The following PABIR3 variants were observed in gnomAD, a reference collection of about 807,000 sequenced individuals.
The protein encoded by PABIR3 is PABIR family member 3, also known as PABIR family member 1.
In PABIR3, 20 loss-of-function variants were observed where a neutral mutation model predicts 23.1. The ratio of observed to expected loss-of-function variants is 0.86; its 90% CI spans 0.61 to 1.26. The LOEUF (loss-of-function observed/expected upper bound fraction) is 1.26, where lower values mean the gene tolerates loss of function less well. Ranked by LOEUF, PABIR3 falls within the 50% of genes most tolerant of loss-of-function variation. The probability of loss-of-function intolerance (pLI) is 0.00; values close to 1 mark genes in which losing one functional copy is unlikely to be tolerated. For synonymous variants in PABIR3, 69 were observed against 68.5 expected, an observed-to-expected ratio of 1.01 and a Z score of -0.04; for missense variants, 189 against 195.4, an observed-to-expected ratio of 0.97 and a Z score of 0.20.
intron 5 of PABIR3, 41 bp downstream of exon 5, chrX:134,845,289 T>C: frequency 2.6e-6 from 3 of 1,172,172 alleles, no homozygotes; most frequent in Non-Finnish European, 3.5e-6. Context: ...ATAATTTGTA[T>C]ACTTAATTAT....
chrX:134,852,718 T>C (rs1302755971), intron 9 of PABIR3, 82 bp from the exon 10 acceptor site: 2 of 512,206 alleles, frequency 3.9e-6, no homozygotes, highest in African/African-American at 2.4e-5. Context: ...TTAATTGCAG[T>C]GAATAAGTAT....
At chrX:134,810,318 A>G (rs1374891984) in intron 2 of PABIR3, 1 of 753,024 alleles carries the variant, frequency 1.3e-6, no homozygotes, top group African/African-American at 2.3e-5. Flanking sequence ...TTTTGCTTAT[A>G]TTAGAGCATA....
rs764189257 is a variant in PABIR3 at position 134,834,723 on chromosome X, C to T, written c.246+5441C>T. On this transcript the variant is annotated intron_variant, in intron 4 of 10. Transcript: ENST00000645433. Reference sequence around the variant, plus strand: ...GAAGGGGTCCAGTTTCAGTTTTCTGCATATGGCTAGCCAGTTTTCCCAGCA... The same window carrying T: ...GAAGGGGTCCAGTTTCAGTTTTCTGTATATGGCTAGCCAGTTTTCCCAGCA... 3.7e-3 allele frequency among the ~76,000 whole-genome samples: 415 copies of T among 112,240 alleles called. 1 individual carries two copies. The highest frequency in any genetic ancestry group is 0.012 in the African/African-American group (376 of 30,913).
At chrX:134,836,284 T>C (rs2081971742) in intron 4 of PABIR3, among the ~76,000 whole-genome samples, 1 of 112,224 alleles carries the variant, frequency 8.9e-6, no homozygotes, top group South Asian at 3.7e-4. Flanking sequence ...CTAATAAAAA[T>C]TGAGCTTGTA....
chrX:134,818,172 A>G (rs1291300279), intron 3 of PABIR3, among the ~76,000 whole-genome samples: 2 of 111,530 alleles, frequency 1.8e-5, no homozygotes, highest in Non-Finnish European at 3.8e-5. Context: ...AGCTTTGTAC[A>G]TGTTACATTG....
downstream of PABIR3, among the ~76,000 whole-genome samples, chrX:134,857,209 G>A (rs1188421621): frequency 9.0e-6 from 1 of 111,483 alleles, no homozygotes; most frequent in Non-Finnish European, 1.9e-5. Context: ...AGATCAAGGA[G>A]TCACCTGGGT....
At chrX:134,840,620 A>G (rs982266593) in intron 4 of PABIR3, among the ~76,000 whole-genome samples, 2 of 110,747 alleles carry the variant, frequency 1.8e-5, no homozygotes, top group Non-Finnish European at 3.8e-5. Flanking sequence ...CACAGGTAGT[A>G]GGTTATAGAG....
upstream of PABIR3, among the ~76,000 whole-genome samples, chrX:134,805,514 G>A (rs1424531914): frequency 1.8e-5 from 2 of 111,864 alleles, no homozygotes; most frequent in Admixed American, 1.9e-4. Flanking sequence ...AACTTGTCAC[G>A]AACTATCTCA....
chrX:134,863,283 TAA>T, the PABIR3 span, among the ~76,000 whole-genome samples: 1 of 111,833 alleles, frequency 8.9e-6, no homozygotes, highest in African/African-American at 3.2e-5. Flanking sequence ...ATGAAAAAAT[TAA>T]GATTATATGA....
chrX:134,829,076 CT>C (rs1442733134), intron 3 of PABIR3, 149 bp from the exon 4 acceptor site: 2 of 464,416 alleles, frequency 4.3e-6, no homozygotes, highest in Non-Finnish European at 7.5e-6. Context: ...CCAGTTGGAT[CT>C]TTTTTTAACT....
intron 4 of PABIR3, among the ~76,000 whole-genome samples, chrX:134,841,348 C>A (rs2082225513): frequency 9.0e-6 from 1 of 111,345 alleles, no homozygotes; most frequent in Admixed American, 9.6e-5. Flanking sequence ...AGACGAAAAT[C>A]TTTAAACTCT....
the PABIR3 span, among the ~76,000 whole-genome samples, chrX:134,864,120 G>A: frequency 9.1e-6 from 1 of 109,682 alleles, no homozygotes; most frequent in Non-Finnish European, 1.9e-5. Context: ...TCATGATCTC[G>A]GCTCACTGCA....
intron 3 of PABIR3, chrX:134,821,530 C>T: frequency 8.7e-7 from 1 of 1,152,297 alleles, no homozygotes; most frequent in Non-Finnish European, 1.1e-6. Flanking sequence ...CCCACCCCCT[C>T]CTCTTCCAAA....
chrX:134,804,901 T>C (rs1346027797), upstream of PABIR3, among the ~76,000 whole-genome samples: 1 of 112,689 alleles, frequency 8.9e-6, no homozygotes. Context: ...ATTTTAACAG[T>C]GGCTTTTAGG....
At chrX:134,861,085 G>C in the PABIR3 span, among the ~76,000 whole-genome samples, 1 of 111,001 alleles carries the variant, frequency 9.0e-6, no homozygotes, top group African/African-American at 3.3e-5. Flanking sequence ...GACCAGCCTG[G>C]CCAATATGGT....
At chrX:134,808,830 T>C (rs1355012152) in intron 2 of PABIR3, among the ~76,000 whole-genome samples, 2 of 112,091 alleles carry the variant, frequency 1.8e-5, no homozygotes, top group Admixed American at 9.4e-5. Flanking sequence ...ACCTATTTTT[T>C]ATTGGAGCAG....
At chrX:134,851,707 A>G (rs978440256) in intron 9 of PABIR3, among the ~76,000 whole-genome samples, 1 of 112,016 alleles carries the variant, frequency 8.9e-6, no homozygotes, top group African/African-American at 3.2e-5. Context: ...TCAATGTTAA[A>G]CCAAAAAAGA....
At chrX:134,804,220 G>C, upstream of PABIR3, 1 of 1,152,164 alleles carries the variant, frequency 8.7e-7, no homozygotes. Context: ...CCTGGAACTG[G>C]AAGGACTGAT....
intron 4 of PABIR3, among the ~76,000 whole-genome samples, chrX:134,834,572 GAA>G (rs1309988627): frequency 1.8e-5 from 2 of 112,251 alleles, no homozygotes; most frequent in Non-Finnish European, 3.8e-5. Context: ...TTTTCATCAT[GAA>G]GTCTTTGCCC....
Sources: gnomAD v4.1 joint callset for allele counts (sites outside exome capture counted in the v4.1 genomes callset) on GRCh38, gnomAD v4.1.1 for gene constraint, MANE v1.5 for transcripts, NCBI Gene and HGNC (gene_info 2026-07-23, HGNC 2026-07-21) for gene names.